POLR1D: variants seen among roughly 807,000 people sequenced by gnomAD.
The protein encoded by POLR1D is RNA polymerase I and III subunit D.
POLR1D carries 8 observed loss-of-function variants against 10.8 expected under a neutral mutation model. The ratio of observed to expected loss-of-function variants is 0.74; its 90% CI spans 0.43 to 1.33. POLR1D has a LOEUF of 1.33. POLR1D is among the 40% of genes most tolerant of loss of function. The pLI, the probability that POLR1D is intolerant of heterozygous loss-of-function variation, is 0.01. For missense variants in POLR1D, 152 were observed against 161.7 expected, an observed-to-expected ratio of 0.94 and a Z score of 0.32; for synonymous variants, 54 against 57.2, an observed-to-expected ratio of 0.94 and a Z score of 0.25.
At chr13:27,655,989 A>G (rs1046988183) in intron 2 of POLR1D, among the ~76,000 whole-genome samples, 5 of 143,062 alleles carry the variant, frequency 3.5e-5, no homozygotes, top group Non-Finnish European at 8.1e-5. Context: ...ATGCTGATAC[A>G]GTTGACTATT....
At position 27,634,895 on chromosome 13, in the gene POLR1D, G is replaced by A. The variant is rs944086303; in HGVS notation, c.26+12886G>A. Among the ~76,000 whole-genome samples, 2 of 151,868 alleles carry A rather than the reference G, an allele frequency of 1.3e-5. 1 individual carries two copies. The highest frequency in any genetic ancestry group is 2.9e-5 in the Non-Finnish European group (2 of 67,980). ...TTTGCATGTTGCCCAGCCTGGTCTCGAACTCCTGAGCTCAACCTATCCACC... is the reference window on the plus strand; with the variant it reads ...TTTGCATGTTGCCCAGCCTGGTCTCAAACTCCTGAGCTCAACCTATCCACC... On this transcript the variant is annotated intron_variant, in intron 1 of 2. Transcript: ENST00000399697.
chr13:27,629,116 G>A lies in POLR1D; in HGVS notation c.26+7107G>A, dbSNP rs1420882308. On this transcript the variant is annotated intron_variant, in intron 1 of 2. Transcript: ENST00000399697. ...TAGGATTATAGGCGTGAGCCACTGT[G>A]CCCAGCCAAAATAGACCTTCCTTAG... Among the ~76,000 whole-genome samples the A allele has an allele frequency of 3.3e-5, 5 of 152,306 alleles. No homozygotes were observed. The East Asian group carries it at 9.7e-4, about 29-fold the overall frequency.
At chr13:27,638,904 A>G (rs948473147) in intron 1 of POLR1D, among the ~76,000 whole-genome samples, 1 of 152,218 alleles carries the variant, frequency 6.6e-6, no homozygotes, top group Non-Finnish European at 1.5e-5. Flanking sequence ...CCTCATTAAA[A>G]AAAAGCTGTA....
intron 2 of POLR1D, among the ~76,000 whole-genome samples, chr13:27,654,582 C>G (rs1956293220): frequency 6.6e-6 from 1 of 152,158 alleles, no homozygotes; most frequent in African/African-American, 2.4e-5. Flanking sequence ...TCTGAATAAC[C>G]AGCTAGTTCA....
At chr13:27,622,309 T>A (rs1452834161) in intron 1 of POLR1D, 3 of 524,702 alleles carry the variant, frequency 5.7e-6, no homozygotes, top group Non-Finnish European at 1.0e-5. Context: ...ACGGTACTCG[T>A]GCCTCTGTCC....
At chr13:27,640,916 A>C (rs1444976572) in intron 1 of POLR1D, among the ~76,000 whole-genome samples, 1 of 152,172 alleles carries the variant, frequency 6.6e-6, no homozygotes, top group Non-Finnish European at 1.5e-5. Context: ...GATTGCCTGT[A>C]ACCTAAGTAA....
At chr13:27,622,488 C>T (rs1955954718) in intron 1 of POLR1D, 2 of 302,970 alleles carry the variant, frequency 6.6e-6, no homozygotes, top group Non-Finnish European at 1.2e-5. Flanking sequence ...TCATCTGTAT[C>T]CTCTATTTTT....
At chr13:27,627,160 A>G (rs751130181), downstream of POLR1D, among the ~76,000 whole-genome samples, 7 of 152,132 alleles carry the variant, frequency 4.6e-5, no homozygotes, top group Non-Finnish European at 8.8e-5. Context: ...AAATCTACCC[A>G]TCTGCTTTCA....
At chr13:27,621,287 C>T (rs1295052566), upstream of POLR1D, 2 of 152,324 alleles carry the variant, frequency 1.3e-5, no homozygotes, top group African/African-American at 4.8e-5. Context: ...TTCTCCCAAA[C>T]TCTCACTCCC....
chr13:27,652,713 T>C (rs1956276636), intron 2 of POLR1D, among the ~76,000 whole-genome samples: 1 of 151,732 alleles, frequency 6.6e-6, no homozygotes, highest in Non-Finnish European at 1.5e-5. Context: ...CTACTAAAAA[T>C]ACAAAAATTA....
At chr13:27,666,189 A>ATCTT (rs1435068148) in exon 3 of POLR1D, 2 of 490,646 alleles carry the variant, frequency 4.1e-6, no homozygotes, top group African/African-American at 3.8e-5. Context: ...AGTGTAGTAG[A>ATCTT]CTTACATATT....
rs144597856 is a variant in POLR1D, at chr13:27,623,025, C to T, written c.177C>T (p.Ile59=). ...TAGGAAATTCTCTACGTTACATGAT[C>T]ATGAAGAACCCGGAAGTGGAATTTT... ...HTLGNSLRYM[I]MKNPEVEFCG... is the part of the protein sequence containing the mutation. Residue 59 remains isoleucine (I), a synonymous_variant, in exon 2 of 2, where the codon ATC becomes ATT. Coordinates refer to ENST00000302979, the MANE Select transcript of POLR1D (RefSeq NM_015972.4). 2.7e-4 allele frequency: 428 copies of T among 1,613,906 alleles called. No individual in the cohort carries two copies. The highest frequency in any genetic ancestry group is 3.5e-4 in the Non-Finnish European group (409 of 1,179,910).
chr13:27,651,096 A>G (rs915411688), intron 2 of POLR1D: 11 of 152,154 alleles, frequency 7.2e-5, no homozygotes. Flanking sequence ...AGAGCAAACC[A>G]CCACCTCTGG....
downstream of POLR1D, among the ~76,000 whole-genome samples, chr13:27,624,299 A>G (rs562275610): frequency 6.6e-6 from 1 of 152,250 alleles, no homozygotes; most frequent in Admixed American, 6.5e-5. Flanking sequence ...TTGTTTACCC[A>G]CTAAACCAAC....
Position 27,623,186 on chromosome 13 carries a change from A to G in POLR1D, c.338A>G (p.Lys113Arg), listed in dbSNP as rs1457190159. 6.2e-7 allele frequency: 1 copy of G among 1,614,162 alleles called. No individual in the cohort carries two copies. Among genetic ancestry groups the G allele is most frequent in the Non-Finnish European group, 8.5e-7 (1 of 1,180,026 alleles). The change falls in exon 2 of 2, where the codon AAG (lysine) becomes AGG (arginine). Residue 113 changes from lysine (K) to arginine (R), a missense_variant. Physicochemically the swap from Lys to Arg is conservative, Grantham distance 26. Coordinates refer to ENST00000302979, the MANE Select transcript of POLR1D (RefSeq NM_015972.4). The part of the protein sequence containing the change: ...LMNVCQHVLD[K>R]FEASIKDYKD... ...AATGTCTGCCAACATGTGCTTGACA[A>G]GTTTGAGGCCAGCATAAAGGACTAT... is the stretch of plus-strand genomic sequence containing the variant.
At chr13:27,637,171 G>A (rs12584838) in intron 1 of POLR1D, among the ~76,000 whole-genome samples, 28 of 152,060 alleles carry the variant, frequency 1.8e-4, no homozygotes, top group Non-Finnish European at 4.0e-4. Context: ...CTGATGTGTT[G>A]TTGGTATGAT....
At chr13:27,631,397 C>T (rs1192527805) in intron 1 of POLR1D, among the ~76,000 whole-genome samples, 1 of 152,216 alleles carries the variant, frequency 6.6e-6, no homozygotes, top group Non-Finnish European at 1.5e-5. Context: ...AAGTGGCATT[C>T]CATTGCCTCT....
chr13:27,639,703 A>C (rs1956157746), intron 1 of POLR1D, among the ~76,000 whole-genome samples: 1 of 152,196 alleles, frequency 6.6e-6, no homozygotes, highest in South Asian at 2.1e-4. Context: ...CCCACATTTT[A>C]ACTGAAGAAG....
intron 1 of POLR1D, among the ~76,000 whole-genome samples, chr13:27,642,417 C>T (rs184273950): frequency 9.2e-5 from 14 of 152,340 alleles, no homozygotes; most frequent in Middle Eastern, 3.4e-3. Context: ...ATTGCTCCCT[C>T]AGGAACCTGT....
Sources: allele counts gnomAD v4.1 joint callset (sites outside exome capture counted in the v4.1 genomes callset), GRCh38; gene constraint gnomAD v4.1.1; transcripts MANE v1.5; gene names NCBI Gene and HGNC (gene_info 2026-07-23, HGNC 2026-07-21).